SMIM20: variants seen among roughly 807,000 people sequenced by gnomAD.
The protein encoded by SMIM20 is small integral membrane protein 20.
Under a neutral mutation model 8.7 loss-of-function variants are expected in SMIM20, and 3 were observed. The observed-to-expected ratio is 0.34, with a 90% confidence interval of 0.16 to 0.89. The LOEUF is 0.89. Among genes scored for constraint, SMIM20 ranks in the 40% least tolerant of loss-of-function variants. SMIM20 has a pLI of 0.49. For missense variants in SMIM20, 85 were observed against 84.8 expected (o/e 1.00, Z -0.01); for synonymous variants, 44 against 33.6 (o/e 1.31, Z -1.07).
chr4:25,928,240 G>T, intron 1 of SMIM20, 73 bp from the exon 2 acceptor site: 1 of 1,407,062 alleles, frequency 7.1e-7, no homozygotes, highest in South Asian at 1.3e-5. Flanking sequence ...CATGTCATTG[G>T]CCCATGTAAA....
intron 1 of SMIM20, among the ~76,000 whole-genome samples, chr4:25,926,052 G>T (rs558797143): frequency 4.0e-4 from 61 of 152,312 alleles, no homozygotes; most frequent in African/African-American, 1.4e-3. Context: ...TTTCACTCCT[G>T]ATAGAAATGT....
intron 1 of SMIM20, among the ~76,000 whole-genome samples, chr4:25,925,760 C>T (rs1028284643): frequency 2.6e-5 from 4 of 152,198 alleles, no homozygotes; most frequent in Middle Eastern, 3.4e-3. Flanking sequence ...GTCACACAGT[C>T]GATGTATTTT....
intron 1 of SMIM20, among the ~76,000 whole-genome samples, chr4:25,926,225 A>G (rs1719290186): frequency 6.6e-6 from 1 of 152,234 alleles, no homozygotes; most frequent in Non-Finnish European, 1.5e-5. Flanking sequence ...GCACTGCTAA[A>G]TCGTGAGGGA....
rs1711564342 is a variant in SMIM20, at chr4:25,928,331, A to G, written c.128A>G (p.Asn43Ser). 2 of 1,550,298 alleles carry G rather than the reference A, an allele frequency of 1.3e-6. No individual in the cohort carries two copies. Among genetic ancestry groups the G allele is most frequent in the Non-Finnish European group, 1.7e-6 (2 of 1,146,510 alleles). ...TTCTCAGAGAAGGAACAAGCTATAA[A>G]TCGGGCTGGAATTGTTCAAGAGGAT... ...LEEYKKEQAI[N>S]RAGIVQEDVQ... The change falls in exon 2 of 3, where the codon AAT becomes AGT. Residue 43 changes from asparagine to serine, a missense_variant. Physicochemically the swap from Asn to Ser is conservative, Grantham distance 46. Transcript: ENST00000506197.
chr4:25,914,238 C>G lies in SMIM20; in HGVS notation c.-76C>G. ...TCTCCACCTCTTCCGAGCGGGGTCA[C>G]GGCCCGGCCGTCGGTAACCTGGTTT... On this transcript the variant is annotated 5_prime_UTR_variant, in exon 1 of 3. Coordinates refer to ENST00000506197, the MANE Select transcript of SMIM20 (RefSeq NM_001145432.3). 1 of 1,507,292 alleles carries G rather than the reference C, an allele frequency of 6.6e-7. No individual in the cohort carries two copies. Among genetic ancestry groups the G allele is most frequent in the Non-Finnish European group, 8.9e-7 (1 of 1,121,690 alleles). The allele number at this position is 1,507,292 out of a possible 1,614,324, so 93.4% of individuals were successfully genotyped here.
intron 1 of SMIM20, among the ~76,000 whole-genome samples, chr4:25,915,007 C>G (rs760195488): frequency 6.6e-6 from 1 of 152,204 alleles, no homozygotes; most frequent in South Asian, 2.1e-4. Context: ...CCTGATCCTT[C>G]TGAGTGGAAA....
chr4:25,924,420 C>T (rs749319185), intron 1 of SMIM20, among the ~76,000 whole-genome samples: 1 of 151,944 alleles, frequency 6.6e-6, no homozygotes, highest in Admixed American at 6.6e-5. Flanking sequence ...TGCAGTGAGC[C>T]GAGATCACGC....
At chr4:25,928,234 T>G in intron 1 of SMIM20, 79 bp from the exon 2 acceptor site, 1 of 1,372,310 alleles carries the variant, frequency 7.3e-7, no homozygotes, top group East Asian at 2.5e-5. Context: ...TTGTCCCATG[T>G]CATTGGCCCA....
chr4:25,919,547 C>T (rs1291857838), intron 1 of SMIM20, among the ~76,000 whole-genome samples: 3 of 151,842 alleles, frequency 2.0e-5, no homozygotes, highest in African/African-American at 7.3e-5. Context: ...GGGCTTTCAC[C>T]ATGTTGCCCA....
At chr4:25,922,506 C>T (rs1719217684) in intron 1 of SMIM20, among the ~76,000 whole-genome samples, 2 of 152,212 alleles carry the variant, frequency 1.3e-5, no homozygotes, top group Admixed American at 1.3e-4. Context: ...AGGCCATCCT[C>T]TCCTTCCTTG....
intron 1 of SMIM20, among the ~76,000 whole-genome samples, chr4:25,919,556 C>A (rs532036426): frequency 6.6e-6 from 1 of 151,918 alleles, no homozygotes; most frequent in Non-Finnish European, 1.5e-5. Flanking sequence ...CCATGTTGCC[C>A]AGGCTGGTCT....
chr4:25,915,785 T>A (rs1719075792), intron 1 of SMIM20, among the ~76,000 whole-genome samples: 1 of 143,954 alleles, frequency 6.9e-6, no homozygotes, highest in Admixed American at 7.5e-5. Context: ...GGTTCTCATC[T>A]AGGGGTGATT....
At chr4:25,924,871 A>T (rs1187586716) in intron 1 of SMIM20, among the ~76,000 whole-genome samples, 1 of 152,216 alleles carries the variant, frequency 6.6e-6, no homozygotes, top group African/African-American at 2.4e-5. Context: ...ATGCTCCAAA[A>T]TCTGGAATTT....
chr4:25,916,633 G>C (rs183028377), intron 1 of SMIM20, among the ~76,000 whole-genome samples: 1 of 152,134 alleles, frequency 6.6e-6, no homozygotes, highest in Non-Finnish European at 1.5e-5. Flanking sequence ...TCGGCTCACC[G>C]CAACCTCTGC....
At chr4:25,921,989 T>C (rs575955767) in intron 1 of SMIM20, among the ~76,000 whole-genome samples, 4 of 152,330 alleles carry the variant, frequency 2.6e-5, no homozygotes, top group African/African-American at 9.6e-5. Flanking sequence ...ATATGAATTA[T>C]ATTTAACAGA....
chr4:25,915,113 C>A (rs1358236890), intron 1 of SMIM20, among the ~76,000 whole-genome samples: 2 of 152,104 alleles, frequency 1.3e-5, no homozygotes, highest in Non-Finnish European at 2.9e-5. Context: ...GTAGTGTTTT[C>A]TCTTCTTTTT....
chr4:25,914,495 G>A, intron 1 of SMIM20, 73 bp downstream of exon 1: 1 of 1,334,864 alleles, frequency 7.5e-7, no homozygotes, highest in Non-Finnish European at 9.8e-7. Flanking sequence ...AGCTCCACGT[G>A]GTGCCGTGGA....
At chr4:25,919,843 CATA>C (rs1719166872) in intron 1 of SMIM20, among the ~76,000 whole-genome samples, 1 of 152,196 alleles carries the variant, frequency 6.6e-6, no homozygotes, top group Non-Finnish European at 1.5e-5. Context: ...ATGCACCTGA[CATA>C]ATATATTTGT....
chr4:25,927,143 T>C (rs1711529992), intron 1 of SMIM20, among the ~76,000 whole-genome samples: 1 of 152,254 alleles, frequency 6.6e-6, no homozygotes, highest in Admixed American at 6.5e-5. Flanking sequence ...AGAGGAGCAG[T>C]GAAACCATCA....
Sources: allele counts gnomAD v4.1 joint callset (sites outside exome capture counted in the v4.1 genomes callset), GRCh38; gene constraint gnomAD v4.1.1; transcripts MANE v1.5; gene names NCBI Gene and HGNC (gene_info 2026-07-23, HGNC 2026-07-21).